Variants in LRRK2 observed in about 807,000 individuals in gnomAD.
LRRK2 encodes the protein leucine rich repeat kinase 2, also known as leucine-rich repeat serine/threonine-protein kinase 2.
A neutral mutation model predicts 302.6 loss-of-function variants in LRRK2; 203 were observed. That is an observed-to-expected ratio of 0.67 (90% CI 0.60 to 0.75). The LOEUF is 0.75. Among genes scored for constraint, LRRK2 ranks in the 30% least tolerant of loss-of-function variants. LRRK2 has a pLI of 0.00. For missense variants in LRRK2, 2,830 were observed against 2,951.0 expected, an observed-to-expected ratio of 0.96 and a Z score of 0.95; for synonymous variants, 1,066 against 1,031.9, an observed-to-expected ratio of 1.03 and a Z score of -0.63.
Position 40,313,846 on chromosome 12 carries a change from A to G in LRRK2, c.4537-126A>G, listed in dbSNP as rs12302298. Reference sequence around the variant, plus strand: ...TAGCTTTTTATTATATTTTGATTTTATTTAAAAATGTACTTCTGAATAATA... The same window carrying G: ...TAGCTTTTTATTATATTTTGATTTTGTTTAAAAATGTACTTCTGAATAATA... On this transcript the variant is annotated intron_variant, in intron 31 of 50. Coordinates refer to ENST00000298910, the MANE Select transcript of LRRK2 (RefSeq NM_198578.4). 7,657 of 707,666 alleles carry G rather than the reference A, an allele frequency of 0.011. 420 individuals are homozygous for G. In the African/African-American group the frequency reaches 0.11, roughly 10 times the overall value. The allele number at this position is 707,666 out of a possible 1,614,324, so 43.8% of individuals were successfully genotyped here.
At position 40,319,992 on chromosome 12, in the gene LRRK2, T is replaced by C. The variant is rs1200739340; in HGVS notation, c.4832T>C (p.Leu1611Ser). The C allele has an allele frequency of 6.2e-7, 1 of 1,608,144 alleles. No individual in the cohort carries two copies. Residue 1611 changes from leucine (L) to serine (S), a missense_variant, in exon 34 of 51, where the codon TTG becomes TCG. By Grantham distance (145) the Leu-to-Ser change is moderately radical. Coordinates refer to ENST00000298910, the MANE Select transcript of LRRK2 (RefSeq NM_198578.4). ...TTTATGACTCGAATCTTTCAGATTT[T>C]GACAGTGAAAGTGGAAGGTTGTCCA... ...KWLCKIMAQI[L>S]TVKVEGCPKH...
At chr12:40,293,705 G>T (rs758731023) in intron 21 of LRRK2, 42 bp downstream of exon 21, 1 of 1,333,706 alleles carries the variant, frequency 7.5e-7, no homozygotes, top group South Asian at 1.2e-5. Context: ...GTGTTTTGCT[G>T]CTGACATTCT....
At position 40,354,384 on chromosome 12, in the gene LRRK2, C is replaced by T. The variant is rs1242487085; in HGVS notation, c.6662C>T (p.Ser2221Phe). ...AGCTGGATTGTGTCTGGGACACAGT[C>T]TGGTACTCTCCTGGTCATCAATACC... ...KESWIVSGTQ[S>F]GTLLVINTED... is the part of the protein sequence containing the mutation. Residue 2221 changes from serine (S) to phenylalanine (F), a missense_variant, in exon 45 of 51, where the codon TCT becomes TTT. Around this residue, in one of 3 missense-constraint regions of LRRK2, gnomAD observed 456 missense variants for 456.3 expected, o/e 1.00. Transcript: ENST00000298910. 17 of 1,614,058 alleles carry T rather than the reference C, an allele frequency of 1.1e-5. No individual in the cohort carries two copies. The highest frequency in any genetic ancestry group is 1.4e-5 in the Non-Finnish European group (16 of 1,179,966).
intron 25 of LRRK2, 82 bp from the exon 26 acceptor site, chr12:40,302,705 CTA>C: frequency 1.1e-6 from 1 of 940,144 alleles, no homozygotes; most frequent in Non-Finnish European, 1.7e-6. Context: ...AAGTGACACA[CTA>C]TTGGTAGCTG....
chr12:40,356,194 G>A lies in LRRK2; in HGVS notation c.6843+7G>A. On this transcript the variant is annotated splice_region_variant and intron_variant, in intron 46 of 50. Coordinates refer to ENST00000298910, the MANE Select transcript of LRRK2 (RefSeq NM_198578.4). ...TGAAGATAAGACTGTTAAGGTAAAT[G>A]TTGAATGCATTCTACATCTAAATTT... 3 of 1,598,442 alleles carry A rather than the reference G, an allele frequency of 1.9e-6. No individual in the cohort carries two copies. Among genetic ancestry groups the A allele is most frequent in the Non-Finnish European group, 2.6e-6 (3 of 1,167,982 alleles).
At chr12:40,227,934 G>T (rs1940977755) in intron 2 of LRRK2, 1 of 152,036 alleles carries the variant, frequency 6.6e-6, no homozygotes, top group South Asian at 2.1e-4. Flanking sequence ...TCAAACTCCT[G>T]ACCTCAAGTA....
At chr12:40,330,574 T>C (rs1945684191) in intron 39 of LRRK2, among the ~76,000 whole-genome samples, 2 of 152,186 alleles carry the variant, frequency 1.3e-5, no homozygotes, top group South Asian at 2.1e-4. Flanking sequence ...GTGTATTCTC[T>C]TCTATTATTT....
chr12:40,342,130 T>C (rs1463381779), intron 41 of LRRK2, among the ~76,000 whole-genome samples: 1 of 152,190 alleles, frequency 6.6e-6, no homozygotes, highest in Non-Finnish European at 1.5e-5. Flanking sequence ...CCTTGTCTGC[T>C]TAATTGGACA....
chr12:40,270,500 T>G (rs544264995), intron 14 of LRRK2, among the ~76,000 whole-genome samples: 1 of 152,276 alleles, frequency 6.6e-6, no homozygotes, highest in East Asian at 1.9e-4. Flanking sequence ...GCCTTTATAT[T>G]TGGACTCCTA....
At position 40,235,796 on chromosome 12, in the gene LRRK2, T is replaced by G. The variant is rs1385947496; in HGVS notation, c.436+82T>G. The G allele has an allele frequency of 9.6e-5, 52 of 542,232 alleles. No individual in the cohort carries two copies. The African/African-American group carries it at 9.6e-4, about 10-fold the overall frequency. The allele number at this position is 542,232 out of a possible 1,614,324, so 33.6% of individuals were successfully genotyped here. On this transcript the variant is annotated intron_variant, in intron 4 of 50. Coordinates refer to ENST00000298910, the MANE Select transcript of LRRK2 (RefSeq NM_198578.4). ...TTAAGTAAATGTGTGTGTGTGTGTTTTTTTTTTTTTTTTTTTGAAGATCAG... is the reference window on the plus strand; with the variant it reads ...TTAAGTAAATGTGTGTGTGTGTGTTGTTTTTTTTTTTTTTTTGAAGATCAG...
At chr12:40,303,862 C>T (rs1220174548) in intron 26 of LRRK2, 86 bp from the exon 27 acceptor site, 2 of 1,324,186 alleles carry the variant, frequency 1.5e-6, no homozygotes, top group African/African-American at 1.4e-5. Flanking sequence ...ACTTTATTCT[C>T]ACCCTGGGGA....
At chr12:40,366,857 C>T in intron 49 of LRRK2, 149 bp from the exon 50 acceptor site, 1 of 597,104 alleles carries the variant, frequency 1.7e-6, no homozygotes, top group Non-Finnish European at 3.0e-6. Flanking sequence ...GGTCTTTATT[C>T]AATATAATTG....
At chr12:40,273,326 C>T (rs1435807341) in intron 14 of LRRK2, among the ~76,000 whole-genome samples, 1 of 152,000 alleles carries the variant, frequency 6.6e-6, no homozygotes, top group African/African-American at 2.4e-5. Flanking sequence ...GAAACAGTGA[C>T]AGGAAACAAA....
chr12:40,292,267 A>G (rs1193602351), intron 20 of LRRK2, among the ~76,000 whole-genome samples: 2 of 152,020 alleles, frequency 1.3e-5, no homozygotes, highest in Non-Finnish European at 2.9e-5. Context: ...ACATAGTCCT[A>G]TGCTGTCTGT....
intron 46 of LRRK2, among the ~76,000 whole-genome samples, chr12:40,358,927 G>T (rs535106290): frequency 5.9e-5 from 9 of 151,880 alleles, no homozygotes; most frequent in African/African-American, 2.2e-4. Context: ...TATAGAGATC[G>T]TTCATCATCT....
At chr12:40,277,757 C>T in intron 16 of LRRK2, 131 bp from the exon 17 acceptor site, 1 of 834,076 alleles carries the variant, frequency 1.2e-6, no homozygotes. Context: ...CTTTAAAGCA[C>T]CAACCCAATA....
At chr12:40,287,963 G>A (rs937784648) in intron 20 of LRRK2, among the ~76,000 whole-genome samples, 1 of 151,600 alleles carries the variant, frequency 6.6e-6, no homozygotes, top group Non-Finnish European at 1.5e-5. Flanking sequence ...TAATAAAAAA[G>A]GTTTTTATCT....
chr12:40,263,647 T>G (rs1942876845), intron 13 of LRRK2, 142 bp from the exon 14 acceptor site: 1 of 542,584 alleles, frequency 1.8e-6, no homozygotes, highest in African/African-American at 1.9e-5. Context: ...TGGTTATTTA[T>G]TTGATAAGGA....
Position 40,314,131 on chromosome 12 carries a change from G to A in LRRK2, c.4696G>A (p.Glu1566Lys). Residue 1566 changes from glutamate (E) to lysine (K), a missense_variant, in exon 32 of 51, where the codon GAA (glutamate) becomes AAA (lysine). By Grantham distance (56) the Glu-to-Lys change is moderately conservative. Coordinates refer to ENST00000298910, the MANE Select transcript of LRRK2 (RefSeq NM_198578.4). Reference sequence around the variant, plus strand: ...GAGAGAAAATCAGCTGCAGTTAGATGAAAATGAGCTTCCTCACGCAGTTCA... The same window carrying A: ...GAGAGAAAATCAGCTGCAGTTAGATAAAAATGAGCTTCCTCACGCAGTTCA... ...LVRENQLQLD[E>K]NELPHAVHFL... The A allele has an allele frequency of 6.2e-7, 1 of 1,612,664 alleles. No individual in the cohort carries two copies. Among genetic ancestry groups the A allele is most frequent in the Non-Finnish European group, 8.5e-7 (1 of 1,178,980 alleles).
Sources: allele counts gnomAD v4.1 joint callset (sites outside exome capture counted in the v4.1 genomes callset), GRCh38; gene constraint gnomAD v4.1.1; regional missense constraint gnomAD v4.1.1; transcripts MANE v1.5; gene names NCBI Gene and HGNC (gene_info 2026-07-23, HGNC 2026-07-21).